The following DCP2 variants were observed in gnomAD, a reference collection of about 807,000 sequenced individuals.
DCP2 encodes the protein decapping mRNA 2, also known as m7GpppN-mRNA hydrolase.
DCP2 carries 30 observed loss-of-function variants against 56.1 expected under a neutral mutation model. The observed-to-expected ratio is 0.53, with a 90% confidence interval of 0.40 to 0.73. DCP2 has a LOEUF of 0.73. DCP2 is among the 30% of genes least tolerant of loss of function. The pLI, the probability that DCP2 is intolerant of heterozygous loss-of-function variation, is 0.00. For missense variants in DCP2, 533 were observed against 502.7 expected, an observed-to-expected ratio of 1.06 and a Z score of -0.58; for synonymous variants, 197 against 163.3, an observed-to-expected ratio of 1.21 and a Z score of -1.57.
chr5:112,977,951 T>C (rs1747797137), intron 1 of DCP2, among the ~76,000 whole-genome samples: 1 of 151,280 alleles, frequency 6.6e-6, no homozygotes, highest in Non-Finnish European at 1.5e-5. Flanking sequence ...TTGTGGAGTT[T>C]TTTGGGGTTT....
intron 8 of DCP2, among the ~76,000 whole-genome samples, chr5:113,005,151 G>GGTGTGGGTGTGTGTGTGTGT (rs1554101205): frequency 7.4e-4 from 110 of 149,520 alleles, no homozygotes; most frequent in African/African-American, 2.6e-3. Context: ...TGTGCGTGTG[G>GGTGTGGGTGTGTGTGTGTGT]GTGTGTGTGT....
intron 8 of DCP2, among the ~76,000 whole-genome samples, chr5:113,007,572 T>A (rs1357816073): frequency 1.3e-5 from 2 of 152,128 alleles, no homozygotes; most frequent in East Asian, 3.9e-4. Flanking sequence ...GGATAAGTTT[T>A]TGTATTTTTA....
At chr5:112,981,941 T>TA (rs1219256853) in intron 1 of DCP2, among the ~76,000 whole-genome samples, 1 of 152,126 alleles carries the variant, frequency 6.6e-6, no homozygotes, top group East Asian at 1.9e-4. Flanking sequence ...ATTTTTTATA[T>TA]TTTTAGTGGA....
intron 1 of DCP2, chr5:112,984,703 A>AAATATATATATATATATATAT: frequency 7.4e-4 from 48 of 64,828 alleles, no homozygotes; most frequent in Non-Finnish European, 1.0e-3. Context: ...AAAAAAAAAA[A>AAATATATATATATATATATAT]ATATATATAT....
At chr5:113,006,853 C>T (rs376376531) in intron 8 of DCP2, among the ~76,000 whole-genome samples, 7 of 152,238 alleles carry the variant, frequency 4.6e-5, no homozygotes, top group Middle Eastern at 3.4e-3. Flanking sequence ...TAAATCTTAG[C>T]CGGGAACGTT....
intron 1 of DCP2, 142 bp downstream of exon 1, chr5:112,977,128 C>A (rs562476996): frequency 8.6e-6 from 5 of 583,824 alleles, no homozygotes; most frequent in Admixed American, 3.8e-5. Context: ...CATCGTCGAC[C>A]CTGCTCTCCG....
At chr5:113,011,173 G>C (rs928505200) in intron 10 of DCP2, among the ~76,000 whole-genome samples, 4 of 152,190 alleles carry the variant, frequency 2.6e-5, no homozygotes, top group Non-Finnish European at 4.4e-5. Flanking sequence ...ACTGACTTTA[G>C]AAGGGGAACA....
Position 113,013,684 on chromosome 5 carries a change from T to A in DCP2, c.*200T>A, listed in dbSNP as rs1749772256. On this transcript the variant is annotated 3_prime_UTR_variant, in exon 11 of 11. Coordinates refer to ENST00000389063, the MANE Select transcript of DCP2 (RefSeq NM_152624.6). ...GCAGTTATAACCTTTTATACAGATT[T>A]ACCTTTTCAGTGTTCAGTACAAGTT... The A allele has an allele frequency of 5.7e-6, 3 of 522,238 alleles. No individual in the cohort carries two copies. The East Asian group carries it at 9.5e-5, about 17-fold the overall frequency. The allele number at this position is 522,238 out of a possible 1,614,324, so 32.4% of individuals were successfully genotyped here.
At chr5:113,012,478 T>A (rs1258621257) in intron 10 of DCP2, among the ~76,000 whole-genome samples, 16 of 152,196 alleles carry the variant, frequency 1.1e-4, no homozygotes, top group Non-Finnish European at 8.8e-5. Flanking sequence ...AGCCTCATCC[T>A]CATTTCAGAC....
chr5:113,012,449 A>C (rs980485357), intron 10 of DCP2, among the ~76,000 whole-genome samples: 4 of 152,128 alleles, frequency 2.6e-5, no homozygotes, highest in Non-Finnish European at 5.9e-5. Flanking sequence ...AGAAGTGTGA[A>C]AGGATTCATG....
intron 2 of DCP2, among the ~76,000 whole-genome samples, chr5:112,988,235 C>G (rs560291203): frequency 2.0e-5 from 3 of 151,754 alleles, no homozygotes; most frequent in South Asian, 4.2e-4. Context: ...GTAATCCCAG[C>G]ACTTTGGGAG....
Position 113,001,568 on chromosome 5 carries a change from C to A in DCP2, c.700C>A (p.Pro234Thr). The A allele has an allele frequency of 6.2e-7, 1 of 1,613,666 alleles. No homozygotes were observed. The highest frequency in any genetic ancestry group is 1.7e-5 in the Admixed American group (1 of 60,012). ...KFFMAIPFIRPLRDWLSRRFG... is the reference protein window; with the variant it reads ...KFFMAIPFIRTLRDWLSRRFG... Reference sequence around the variant, plus strand: ...AGTGAATTCTTAATGTTTCTGCAGACCATTAAGGGACTGGCTTTCTCGAAG... The same window carrying A: ...AGTGAATTCTTAATGTTTCTGCAGAACATTAAGGGACTGGCTTTCTCGAAG... The change falls in exon 7 of 11, where the codon CCA becomes ACA. Residue 234 changes from proline to threonine, a missense_variant and splice_region_variant. Around this residue, in one of 3 missense-constraint regions of DCP2, gnomAD observed 392 missense variants for 346.6 expected, o/e 1.13. Transcript: ENST00000389063.
At chr5:112,996,053 C>A (rs1177661799) in intron 4 of DCP2, among the ~76,000 whole-genome samples, 1 of 152,190 alleles carries the variant, frequency 6.6e-6, no homozygotes, top group African/African-American at 2.4e-5. Flanking sequence ...ACCTTTATTA[C>A]TTCCTCACAG....
chr5:113,000,709 G>T (rs985101076), intron 4 of DCP2, among the ~76,000 whole-genome samples: 2 of 152,136 alleles, frequency 1.3e-5, no homozygotes, highest in African/African-American at 4.8e-5. Flanking sequence ...CATCATTGAT[G>T]ATTTAATTAC....
At chr5:113,007,119 A>G (rs1433869821) in intron 8 of DCP2, among the ~76,000 whole-genome samples, 1 of 152,040 alleles carries the variant, frequency 6.6e-6, no homozygotes, top group East Asian at 1.9e-4. Context: ...CAACAAAGTG[A>G]GACTCCATTT....
intron 2 of DCP2, among the ~76,000 whole-genome samples, chr5:112,988,931 G>T (rs1748439423): frequency 6.6e-6 from 1 of 152,160 alleles, no homozygotes; most frequent in South Asian, 2.1e-4. Context: ...TTTACACTTT[G>T]CCTGCTATTA....
chr5:113,000,061 CA>C (rs60251393), intron 4 of DCP2, among the ~76,000 whole-genome samples: 38,468 of 89,664 alleles, frequency 0.43, 5,991 homozygotes, highest in South Asian at 0.54. Context: ...AACTCCATCT[CA>C]AAAAAAAAAA....
At position 113,015,181 on chromosome 5, in the gene DCP2, T is replaced by C. The variant is rs1423709783; in HGVS notation, c.*1697T>C. On this transcript the variant is annotated 3_prime_UTR_variant, in exon 11 of 11. Coordinates refer to ENST00000389063, the MANE Select transcript of DCP2 (RefSeq NM_152624.6). ...AAGCTTTTACTGTTCTTTTCAGAAA[T>C]ACGGCTGCTTTGCTTGGGTCTCTTC... is the stretch of plus-strand genomic sequence containing the variant. The C allele has an allele frequency of 6.6e-6, 1 of 152,642 alleles. No homozygotes were observed. The highest frequency in any genetic ancestry group is 1.5e-5 in the Non-Finnish European group (1 of 68,030). 9.5% of individuals were successfully genotyped at this position (152,642 alleles called of 1,614,324 possible). A position where few individuals can be genotyped will look rare whatever the true frequency, so the allele number is the denominator to read the frequency against.
intron 1 of DCP2, among the ~76,000 whole-genome samples, chr5:112,982,288 G>C (rs955488635): frequency 1.3e-5 from 2 of 151,664 alleles, no homozygotes; most frequent in Non-Finnish European, 2.9e-5. Flanking sequence ...TTTCCCTTTA[G>C]ACTGCACTCT....
Sources: allele counts gnomAD v4.1 joint callset (sites outside exome capture counted in the v4.1 genomes callset), GRCh38; gene constraint gnomAD v4.1.1; regional missense constraint gnomAD v4.1.1; transcripts MANE v1.5; gene names NCBI Gene and HGNC (gene_info 2026-07-23, HGNC 2026-07-21).